GKN1: variants seen among roughly 807,000 people sequenced by gnomAD.
GKN1 encodes the protein gastrokine-1.
Under a neutral mutation model 19.7 loss-of-function variants are expected in GKN1, and 17 were observed. The ratio of observed to expected loss-of-function variants is 0.86; its 90% CI spans 0.59 to 1.29. The LOEUF (loss-of-function observed/expected upper bound fraction) is 1.29. GKN1 is among the 50% of genes most tolerant of loss of function. GKN1 has a pLI of 0.00. For missense variants in GKN1, 218 were observed against 224.5 expected (o/e 0.97, Z 0.19); for synonymous variants, 96 against 78.3 (o/e 1.23, Z -1.20).
chr2:68,980,844 T>C lies in GKN1; in HGVS notation c.*21T>C, dbSNP rs1670347844. 1 of 1,154,794 alleles carries C rather than the reference T, an allele frequency of 8.7e-7. No individual in the cohort carries two copies. Among genetic ancestry groups the C allele is most frequent in the South Asian group, 1.2e-5 (1 of 81,970 alleles). The allele number at this position is 1,154,794 out of a possible 1,614,324, so 71.5% of individuals were successfully genotyped here. On this transcript the variant is annotated 3_prime_UTR_variant, in exon 6 of 6. Transcript: ENST00000377938. ...ACTAAACAATTTTTTAAAGCCACTA[T>C]GGATTTAGTCATCTGAATATGCTGT...
intron 1 of GKN1, 112 bp from the exon 2 acceptor site, chr2:68,977,383 G>T (rs1670276546): frequency 1.3e-6 from 1 of 791,114 alleles, no homozygotes; most frequent in Non-Finnish European, 2.2e-6. Context: ...CATTGAACTA[G>T]AACTGAACAC....
chr2:68,980,613 G>C (rs1466067820), intron 5 of GKN1, 116 bp from the exon 6 acceptor site: 4 of 642,608 alleles, frequency 6.2e-6, no homozygotes, highest in Non-Finnish European at 8.3e-6. Flanking sequence ...ACAACAAGTA[G>C]ATAAACCTTG....
In GKN1 at chr2:68,977,479, T is replaced by C. The variant is rs998763170; in HGVS notation, c.13-16T>C. Reference sequence around the variant, plus strand: ...TTTGCCATGTAACAGGAGACCAATGTTATTTGTGATTTCAGATTGTCTTTG... The same window carrying C: ...TTTGCCATGTAACAGGAGACCAATGCTATTTGTGATTTCAGATTGTCTTTG... On this transcript the variant is annotated splice_polypyrimidine_tract_variant and intron_variant, in intron 1 of 5. Transcript: ENST00000377938. 1 of 1,576,560 alleles carries C rather than the reference T, an allele frequency of 6.3e-7. No individual in the cohort carries two copies. The highest frequency in any genetic ancestry group is 8.7e-7 in the Non-Finnish European group (1 of 1,147,124).
Position 68,979,972 on chromosome 2 carries a change from A to G in GKN1, c.375A>G (p.Pro125=), listed in dbSNP as rs781259932. 7 of 1,613,502 alleles carry G rather than the reference A, an allele frequency of 4.3e-6. No homozygotes were observed. The East Asian group carries it at 1.6e-4, about 36-fold the overall frequency. The change falls in exon 5 of 6, where the codon CCA becomes CCG. Residue 125 remains proline, a synonymous_variant. Coordinates refer to ENST00000377938, the MANE Select transcript of GKN1 (RefSeq NM_019617.4). ...PPKGLMYSVN[P]NKVDDLSKFG... is the part of the protein sequence containing the mutation. Reference sequence around the variant, plus strand: ...AGGGCCTGATGTACTCAGTCAACCCAAACAAAGTCGATGACCTGAGCAAGT... The same window carrying G: ...AGGGCCTGATGTACTCAGTCAACCCGAACAAAGTCGATGACCTGAGCAAGT...
chr2:68,976,877 T>C (rs1159255971), intron 1 of GKN1, among the ~76,000 whole-genome samples: 1 of 152,182 alleles, frequency 6.6e-6, no homozygotes, highest in Non-Finnish European at 1.5e-5. Context: ...CACCTATGGT[T>C]TATATTACAT....
intron 5 of GKN1, 31 bp from the exon 6 acceptor site, chr2:68,980,698 T>G: frequency 8.9e-7 from 1 of 1,125,428 alleles, no homozygotes; most frequent in Non-Finnish European, 1.4e-6. Flanking sequence ...AAATAGACAT[T>G]AATATAGGCT....
Position 68,977,565 on chromosome 2 carries a change from C to T in GKN1, c.66+17C>T. Reference sequence around the variant, plus strand: ...GCTAACTATGTAAGTCTCACCTTTTCAAGTTTGCTACCAAAATGCATTTGC... The same window carrying T: ...GCTAACTATGTAAGTCTCACCTTTTTAAGTTTGCTACCAAAATGCATTTGC... On this transcript the variant is annotated intron_variant, in intron 2 of 5. Coordinates refer to ENST00000377938, the MANE Select transcript of GKN1 (RefSeq NM_019617.4). 6.2e-7 allele frequency: 1 copy of T among 1,606,676 alleles called. No homozygotes were observed. Among genetic ancestry groups the T allele is most frequent in the East Asian group, 2.2e-5 (1 of 44,830 alleles).
In GKN1 at chr2:68,980,189, G is replaced by T. The variant is rs1467068822; in HGVS notation, c.463+129G>T. 5 of 766,850 alleles carry T rather than the reference G, an allele frequency of 6.5e-6. No homozygotes were observed. In the East Asian group the frequency reaches 1.0e-4, roughly 16 times the overall value. 47.5% of individuals were successfully genotyped at this position (766,850 alleles called of 1,614,324 possible). On this transcript the variant is annotated intron_variant, in intron 5 of 5. Transcript: ENST00000377938. ...CAAGGCCAACATTTGTGCAGTGCTT[G>T]CTCTGTGCCAGGTACTGTTCTATGT...
Position 68,977,544 on chromosome 2 carries a change from A to C in GKN1, c.62A>C (p.Asn21Thr), listed in dbSNP as rs1369341841. 35 of 1,609,868 alleles carry C rather than the reference A, an allele frequency of 2.2e-5. No homozygotes were observed. Among genetic ancestry groups the C allele is most frequent in the Non-Finnish European group, 2.5e-5 (29 of 1,176,378 alleles). ...LGVFLAPALA[N>T]YNINVNDDNN... ...GTCTTTCTAGCTCCTGCCCTAGCTA[A>C]CTATGTAAGTCTCACCTTTTCAAGT... The change falls in exon 2 of 6, where the codon AAC (asparagine) becomes ACC (threonine). Residue 21 changes from asparagine to threonine, a missense_variant. Coordinates refer to ENST00000377938, the MANE Select transcript of GKN1 (RefSeq NM_019617.4).
At chr2:68,978,296 G>C (rs890557806) in intron 3 of GKN1, among the ~76,000 whole-genome samples, 1 of 102,442 alleles carries the variant, frequency 9.8e-6, no homozygotes, top group Non-Finnish European at 1.8e-5. Context: ...AAGAAAGAAA[G>C]AGAGAGAAAG....
At position 68,974,757 on chromosome 2, in the gene GKN1, G is replaced by C; in HGVS notation, c.12+68G>C. 6 of 1,075,796 alleles carry C rather than the reference G, an allele frequency of 5.6e-6. No individual in the cohort carries two copies. The South Asian group carries it at 7.5e-5, about 13-fold the overall frequency. The allele number at this position is 1,075,796 out of a possible 1,614,324, so 66.6% of individuals were successfully genotyped here. ...AGACTGTCAATATTCTGAGATTTAG[G>C]AGGTCTGCTTCTTATGGCCCCATCA... On this transcript the variant is annotated intron_variant, in intron 1 of 5. Transcript: ENST00000377938.
At position 68,978,908 on chromosome 2, in the gene GKN1, G is replaced by A. The variant is rs1354465279; in HGVS notation, c.242G>A (p.Cys81Tyr). The change falls in exon 4 of 6, where the codon TGC becomes TAC. Residue 81 changes from cysteine to tyrosine, a missense_variant. Physicochemically the swap from Cys to Tyr is radical, Grantham distance 194 (BLOSUM62 -2). Transcript: ENST00000377938. ...ACCAGACTCTTTCAAAAGAAGACAT[G>A]CATTGTGCACAAAATGAACAAGGAA... ...AATRLFQKKT[C>Y]IVHKMNKEVM... is the part of the protein sequence containing the mutation. 6.2e-7 allele frequency: 1 copy of A among 1,610,330 alleles called. No homozygotes were observed. The highest frequency in any genetic ancestry group is 8.5e-7 in the Non-Finnish European group (1 of 1,177,206).
intron 1 of GKN1, among the ~76,000 whole-genome samples, chr2:68,977,143 T>C (rs933785407): frequency 1.3e-5 from 2 of 152,188 alleles, no homozygotes; most frequent in Non-Finnish European, 2.9e-5. Context: ...TTATCACTAC[T>C]TGAAAATTAC....
In GKN1 at chr2:68,980,069, C is replaced by T; in HGVS notation, c.463+9C>T. On this transcript the variant is annotated intron_variant, in intron 5 of 5. Transcript: ENST00000377938. ...GGCTGAGGAGATGCAAGGTGAGTAG[C>T]ATCCCTACTGTGCACCCCAAGTTAG... The T allele has an allele frequency of 6.2e-7, 1 of 1,610,918 alleles. No individual in the cohort carries two copies. Among genetic ancestry groups the T allele is most frequent in the Non-Finnish European group, 8.5e-7 (1 of 1,177,646 alleles).
intron 1 of GKN1, among the ~76,000 whole-genome samples, chr2:68,976,744 C>T (rs1393467066): frequency 2.0e-5 from 3 of 152,080 alleles, no homozygotes; most frequent in Non-Finnish European, 4.4e-5. Context: ...CTGTCATTAA[C>T]TATAGCTGAG....
At chr2:68,980,623 G>T (rs1400977869) in intron 5 of GKN1, 106 bp from the exon 6 acceptor site, 3 of 660,080 alleles carry the variant, frequency 4.5e-6, no homozygotes, top group East Asian at 5.3e-5. Flanking sequence ...GATAAACCTT[G>T]ACATTAGCAC....
chr2:68,980,775 A>G lies in GKN1; in HGVS notation c.510A>G (p.Val170=). The G allele has an allele frequency of 6.3e-7, 1 of 1,599,906 alleles. No individual in the cohort carries two copies. The highest frequency in any genetic ancestry group is 1.1e-5 in the South Asian group (1 of 90,768). Residue 170 remains valine (V), a synonymous_variant, in exon 6 of 6, where the codon GTA becomes GTG. Transcript: ENST00000377938. ...FYSGTCYTTS[V]LWIVDISFCG... Reference sequence around the variant, plus strand: ...CAGGAACGTGCTACACGACCAGTGTACTATGGATTGTGGACATTTCCTTCT... The same window carrying G: ...CAGGAACGTGCTACACGACCAGTGTGCTATGGATTGTGGACATTTCCTTCT...
rs1330578142 is a variant in GKN1, at chr2:68,974,646, A to G, written c.-32A>G. 4 of 1,603,200 alleles carry G rather than the reference A, an allele frequency of 2.5e-6. No individual in the cohort carries two copies. Among genetic ancestry groups the G allele is most frequent in the African/African-American group, 1.3e-5 (1 of 74,578 alleles). Reference sequence around the variant, plus strand: ...TTCTCATTCAGGTCCATGCTTGCCTACTCCTCTGTCCACTGCTTTCGTGAA... The same window carrying G: ...TTCTCATTCAGGTCCATGCTTGCCTGCTCCTCTGTCCACTGCTTTCGTGAA... On this transcript the variant is annotated 5_prime_UTR_variant, in exon 1 of 6. Transcript: ENST00000377938.
Position 68,980,890 on chromosome 2 carries a change from A to T in GKN1, c.*67A>T. On this transcript the variant is annotated 3_prime_UTR_variant, in exon 6 of 6. Transcript: ENST00000377938. ...GCTGTGCAGAAAAAATATGGGCTCC[A>T]GTGGTTTTTACCATGTCATTCTGAA... 1 of 789,870 alleles carries T rather than the reference A, an allele frequency of 1.3e-6. No homozygotes were observed. The highest frequency in any genetic ancestry group is 2.2e-6 in the Non-Finnish European group (1 of 446,198). 48.9% of individuals were successfully genotyped at this position (789,870 alleles called of 1,614,324 possible). A position where few individuals can be genotyped will look rare whatever the true frequency, so the allele number is the denominator to read the frequency against.
Sources: allele counts gnomAD v4.1 joint callset (sites outside exome capture counted in the v4.1 genomes callset), GRCh38; gene constraint gnomAD v4.1.1; transcripts MANE v1.5; gene names NCBI Gene and HGNC (gene_info 2026-07-23, HGNC 2026-07-21).